Variants in OR6C4 observed in about 807,000 individuals in gnomAD.
OR6C4 encodes the protein olfactory receptor 6C4.
In OR6C4, 20 loss-of-function variants were observed where a neutral mutation model predicts 15.1. The ratio of observed to expected loss-of-function variants is 1.32; its 90% CI spans 0.93 to 1.92. The LOEUF (loss-of-function observed/expected upper bound fraction) is 1.92. Ranked by LOEUF, OR6C4 falls within the 30% of genes most tolerant of loss-of-function variation. OR6C4 has a pLI of 0.00. For missense variants in OR6C4, 491 were observed against 363.2 expected (o/e 1.35, Z -2.86); for synonymous variants, 179 against 134.2 (o/e 1.33, Z -2.31).
In OR6C4 at chr12:55,553,312, A is replaced by G. The variant is rs1873926784; in HGVS notation, c.*1156A>G. ...GAAGTAAGCACTTTTTTTTAATCTGAGCATTTGTACACAGTTTAATAATAT... is the reference window on the plus strand; with the variant it reads ...GAAGTAAGCACTTTTTTTTAATCTGGGCATTTGTACACAGTTTAATAATAT... On this transcript the variant is annotated 3_prime_UTR_variant, in exon 2 of 2. Transcript: ENST00000641569. 1 of 152,058 alleles carries G rather than the reference A, an allele frequency of 6.6e-6. No homozygotes were observed. Among genetic ancestry groups the G allele is most frequent in the Non-Finnish European group, 1.5e-5 (1 of 67,974 alleles). 9.4% of individuals were successfully genotyped at this position (152,058 alleles called of 1,614,324 possible).
At position 55,551,653 on chromosome 12, in the gene OR6C4, G is replaced by C. The variant is rs755036324; in HGVS notation, c.427G>C (p.Val143Leu). The C allele has an allele frequency of 2.5e-6, 4 of 1,613,854 alleles. No homozygotes were observed. The highest frequency in any genetic ancestry group is 2.2e-5 in the East Asian group (1 of 44,894). Residue 143 changes from valine (V) to leucine (L), a missense_variant, in exon 2 of 2, where the codon GTG becomes CTG. By Grantham distance (32) the Val-to-Leu change is conservative. Coordinates refer to ENST00000641569, the MANE Select transcript of OR6C4 (RefSeq NM_001005494.2). Reference sequence around the variant, plus strand: ...GAGCAGCAGAGTCTGCATACAACTAGTGTTCTGCTCCTGGTTGGGGGGATT... The same window carrying C: ...GAGCAGCAGAGTCTGCATACAACTACTGTTCTGCTCCTGGTTGGGGGGATT... ...IMSSRVCIQL[V>L]FCSWLGGFLA...
chr12:55,552,383 T>C lies in OR6C4; in HGVS notation c.*227T>C, dbSNP rs924390435. 2.6e-6 allele frequency: 1 copy of C among 387,848 alleles called. No homozygotes were observed. The highest frequency in any genetic ancestry group is 2.1e-5 in the African/African-American group (1 of 46,942). The allele number at this position is 387,848 out of a possible 1,614,324, so 24.0% of individuals were successfully genotyped here. On this transcript the variant is annotated 3_prime_UTR_variant, in exon 2 of 2. Coordinates refer to ENST00000641569, the MANE Select transcript of OR6C4 (RefSeq NM_001005494.2). The stretch of plus-strand genomic sequence containing the variant: ...TTAATTGTTATTAGAGAAGAGTGAA[T>C]GGGGATCTGAAAAGGAACAGTTGGA...
intron 1 of OR6C4, 148 bp downstream of exon 1, chr12:55,550,266 T>C (rs191320464): frequency 2.2e-4 from 33 of 152,328 alleles, no homozygotes; most frequent in South Asian, 2.1e-4. Flanking sequence ...GACCCCTTTA[T>C]ATTATATTTG....
rs573092803 is a variant in OR6C4 at position 55,555,136 on chromosome 12, G to A, written c.*2980G>A. ...GCGTGCCTGTAATTCCAGCTACTGG[G>A]AAGGCTGAAGCACAAGAATCACTTG... On this transcript the variant is annotated 3_prime_UTR_variant, in exon 2 of 2. Transcript: ENST00000641569. 3 of 152,294 alleles carry A rather than the reference G, an allele frequency of 2.0e-5. No individual in the cohort carries two copies. In the South Asian group the frequency reaches 6.2e-4, roughly 32 times the overall value. The allele number at this position is 152,294 out of a possible 1,614,324, so 9.4% of individuals were successfully genotyped here. A position where few individuals can be genotyped will look rare whatever the true frequency, so the allele number is the denominator to read the frequency against.
At position 55,551,210 on chromosome 12, in the gene OR6C4, T is replaced by C; in HGVS notation, c.-17T>C. 1 of 1,583,806 alleles carries C rather than the reference T, an allele frequency of 6.3e-7. No individual in the cohort carries two copies. The highest frequency in any genetic ancestry group is 8.6e-7 in the Non-Finnish European group (1 of 1,162,240). ...ATCATTCTCACCTTTTGCCTTTAGG[T>C]TTTCCGAAGGTCAACAATGAAAAAC... On this transcript the variant is annotated splice_region_variant and 5_prime_UTR_variant, in exon 2 of 2. Transcript: ENST00000641569.
intron 1 of OR6C4, among the ~76,000 whole-genome samples, chr12:55,550,669 G>A (rs1417271010): frequency 6.6e-6 from 1 of 152,198 alleles, no homozygotes; most frequent in Non-Finnish European, 1.5e-5. Flanking sequence ...ATGATCTTCA[G>A]CATTGCCTGT....
At chr12:55,550,538 T>A (rs766007730) in intron 1 of OR6C4, among the ~76,000 whole-genome samples, 4 of 152,146 alleles carry the variant, frequency 2.6e-5, no homozygotes, top group Non-Finnish European at 4.4e-5. Context: ...CCGAGACATA[T>A]CTCAAATCAG....
chr12:55,551,868 T>G lies in OR6C4; in HGVS notation c.642T>G (p.Leu214=). 6.2e-7 allele frequency: 1 copy of G among 1,613,838 alleles called. No homozygotes were observed. The highest frequency in any genetic ancestry group is 8.5e-7 in the Non-Finnish European group (1 of 1,179,912). ...TGGTTACTCTGGTGCTGGTGACACT[T>G]TCTTACACATACATTATCAGGACTA... is the stretch of plus-strand genomic sequence containing the variant. ...TLMVTLVLVT[L]SYTYIIRTIL... is the part of the protein sequence containing the mutation. Residue 214 remains leucine (L), a synonymous_variant, in exon 2 of 2, where the codon CTT becomes CTG. Coordinates refer to ENST00000641569, the MANE Select transcript of OR6C4 (RefSeq NM_001005494.2).
chr12:55,552,135 C>A lies in OR6C4; in HGVS notation c.909C>A (p.Val303=). 6.3e-7 allele frequency: 1 copy of A among 1,596,142 alleles called. No individual in the cohort carries two copies. The highest frequency in any genetic ancestry group is 1.2e-5 in the South Asian group (1 of 86,776). The change falls in exon 2 of 2, where the codon GTC becomes GTA. Residue 303 remains valine (V), a synonymous_variant. Coordinates refer to ENST00000641569, the MANE Select transcript of OR6C4 (RefSeq NM_001005494.2). ...TGAAACAAGCTTTCAAGGACTCAGT[C>A]AAAAAGATTGTGAAACTTTAAAAAA... ...QQVKQAFKDS[V]KKIVKL
rs971680453 is a variant in OR6C4, at chr12:55,553,962, A to G, written c.*1806A>G. 4 of 152,234 alleles carry G rather than the reference A, an allele frequency of 2.6e-5. No individual in the cohort carries two copies. The highest frequency in any genetic ancestry group is 6.5e-5 in the Admixed American group (1 of 15,268). 9.4% of individuals were successfully genotyped at this position (152,234 alleles called of 1,614,324 possible). On this transcript the variant is annotated 3_prime_UTR_variant, in exon 2 of 2. Coordinates refer to ENST00000641569, the MANE Select transcript of OR6C4 (RefSeq NM_001005494.2). ...GTATTTATTGTGTTTAATAAATGAC[A>G]TCTATTATAACTATATTATAAACAA...
At position 55,551,607 on chromosome 12, in the gene OR6C4, C is replaced by A; in HGVS notation, c.381C>A (p.Pro127=). The change falls in exon 2 of 2, where the codon CCC becomes CCA. Residue 127 remains proline, a synonymous_variant. Transcript: ENST00000641569. The part of the protein sequence containing the change: ...SYDRYVAICK[P]LHYLTIMSSR... The stretch of plus-strand genomic sequence containing the variant: ...ATCGTTATGTGGCCATCTGCAAACC[C>A]TTGCATTACCTGACTATTATGAGCA... 1 of 1,613,964 alleles carries A rather than the reference C, an allele frequency of 6.2e-7. No individual in the cohort carries two copies. Among genetic ancestry groups the A allele is most frequent in the South Asian group, 1.1e-5 (1 of 91,074 alleles).
rs1873964253 is a variant in OR6C4, at chr12:55,554,502, A to G, written c.*2346A>G. On this transcript the variant is annotated 3_prime_UTR_variant, in exon 2 of 2. Transcript: ENST00000641569. Reference sequence around the variant, plus strand: ...TCATACTTGGAATGTAATCCAAGTCATAGATAAGCAAAAGGAATGACTTCA... The same window carrying G: ...TCATACTTGGAATGTAATCCAAGTCGTAGATAAGCAAAAGGAATGACTTCA... 1 of 152,172 alleles carries G rather than the reference A, an allele frequency of 6.6e-6. No individual in the cohort carries two copies. 9.4% of individuals were successfully genotyped at this position (152,172 alleles called of 1,614,324 possible). A position where few individuals can be genotyped will look rare whatever the true frequency, so the allele number is the denominator to read the frequency against.
At position 55,553,003 on chromosome 12, in the gene OR6C4, T is replaced by C. The variant is rs1261667917; in HGVS notation, c.*847T>C. On this transcript the variant is annotated 3_prime_UTR_variant, in exon 2 of 2. Coordinates refer to ENST00000641569, the MANE Select transcript of OR6C4 (RefSeq NM_001005494.2). ...TATCATGATTTTATTTTCATCCTTT[T>C]GTTTCACTTTATTAGATATTAGAAA... is the stretch of plus-strand genomic sequence containing the variant. The C allele has an allele frequency of 6.6e-6, 1 of 152,134 alleles. No homozygotes were observed. The highest frequency in any genetic ancestry group is 1.5e-5 in the Non-Finnish European group (1 of 67,986). The allele number at this position is 152,134 out of a possible 1,614,324, so 9.4% of individuals were successfully genotyped here.
In OR6C4 at chr12:55,551,391, C is replaced by G; in HGVS notation, c.165C>G (p.Thr55=). 6.2e-7 allele frequency: 1 copy of G among 1,613,852 alleles called. No individual in the cohort carries two copies. The highest frequency in any genetic ancestry group is 8.5e-7 in the Non-Finnish European group (1 of 1,179,904). The change falls in exon 2 of 2, where the codon ACC becomes ACG. Residue 55 remains threonine, a synonymous_variant. Coordinates refer to ENST00000641569, the MANE Select transcript of OR6C4 (RefSeq NM_001005494.2). The stretch of plus-strand genomic sequence containing the variant: ...CCTTACTAGACCCCCACCTCCAGAC[C>G]CCCATGTATTTCTTCCTCCGGAATT... ...TLTLLDPHLQ[T]PMYFFLRNFS... is the part of the protein sequence containing the mutation.
At position 55,551,216 on chromosome 12, in the gene OR6C4, G is replaced by A. The variant is rs773142970; in HGVS notation, c.-11G>A. 29 of 1,592,986 alleles carry A rather than the reference G, an allele frequency of 1.8e-5. No homozygotes were observed. The highest frequency in any genetic ancestry group is 1.3e-4 in the South Asian group (11 of 87,602). ...CTCACCTTTTGCCTTTAGGTTTTCC[G>A]AAGGTCAACAATGAAAAACAGAACC... is the stretch of plus-strand genomic sequence containing the variant. On this transcript the variant is annotated 5_prime_UTR_variant, in exon 2 of 2. Transcript: ENST00000641569.
chr12:55,550,676 C>T (rs1384324327), intron 1 of OR6C4, among the ~76,000 whole-genome samples: 1 of 152,164 alleles, frequency 6.6e-6, no homozygotes, highest in Non-Finnish European at 1.5e-5. Context: ...TCAGCATTGC[C>T]TGTGTAGGGA....
chr12:55,551,239 A>G lies in OR6C4; in HGVS notation c.13A>G (p.Thr5Ala). The G allele has an allele frequency of 6.2e-7, 1 of 1,607,440 alleles. No homozygotes were observed. The highest frequency in any genetic ancestry group is 8.5e-7 in the Non-Finnish European group (1 of 1,178,008). MKNR[T>A]MFGEFILLGL... ...CCGAAGGTCAACAATGAAAAACAGA[A>G]CCATGTTTGGTGAGTTTATTCTACT... The change falls in exon 2 of 2, where the codon ACC (threonine) becomes GCC (alanine). Residue 5 changes from threonine to alanine, a missense_variant. Coordinates refer to ENST00000641569, the MANE Select transcript of OR6C4 (RefSeq NM_001005494.2).
At chr12:55,551,043 A>G (rs1358316637) in intron 1 of OR6C4, among the ~76,000 whole-genome samples, 166 bp from the exon 2 acceptor site, 1 of 152,182 alleles carries the variant, frequency 6.6e-6, no homozygotes, top group Non-Finnish European at 1.5e-5. Flanking sequence ...CACTTAAACA[A>G]AAGATATGGG....
In OR6C4 at chr12:55,555,439, T is replaced by C. The variant is rs1336214490; in HGVS notation, c.*3283T>C. ...CACTCCCGTATTACTTCACTTAGAATAACGACTTCCAGCTCCATCCAAACT... is the reference window on the plus strand; with the variant it reads ...CACTCCCGTATTACTTCACTTAGAACAACGACTTCCAGCTCCATCCAAACT... On this transcript the variant is annotated 3_prime_UTR_variant, in exon 2 of 2. Coordinates refer to ENST00000641569, the MANE Select transcript of OR6C4 (RefSeq NM_001005494.2). 6.6e-6 allele frequency: 1 copy of C among 152,176 alleles called. No homozygotes were observed. Among genetic ancestry groups the C allele is most frequent in the East Asian group, 1.9e-4 (1 of 5,200 alleles). The allele number at this position is 152,176 out of a possible 1,614,324, so 9.4% of individuals were successfully genotyped here. A position where few individuals can be genotyped will look rare whatever the true frequency, so the allele number is the denominator to read the frequency against.
Sources: gnomAD v4.1 joint callset for allele counts (sites outside exome capture counted in the v4.1 genomes callset) on GRCh38, gnomAD v4.1.1 for gene constraint, MANE v1.5 for transcripts, NCBI Gene and HGNC (gene_info 2026-07-23, HGNC 2026-07-21) for gene names.